BORCS5: variants seen among roughly 807,000 people sequenced by gnomAD.
BORCS5 encodes the protein BLOC-1 related complex subunit 5, also known as BLOC-1-related complex subunit 5.
Under a neutral mutation model 22.1 loss-of-function variants are expected in BORCS5, and 17 were observed. The ratio of observed to expected loss-of-function variants is 0.77; its 90% CI spans 0.53 to 1.15. The LOEUF is 1.15. Ranked by LOEUF, BORCS5 falls within the 50% of genes most tolerant of loss-of-function variation. The pLI, the probability that BORCS5 is intolerant of heterozygous loss-of-function variation, is 0.00. For synonymous variants in BORCS5, 117 were observed against 99.8 expected (o/e 1.17, Z -1.03); for missense variants, 247 against 253.2 (o/e 0.98, Z 0.17).
At chr12:12,423,852 C>G (rs1043022514) in intron 2 of BORCS5, among the ~76,000 whole-genome samples, 7 of 152,068 alleles carry the variant, frequency 4.6e-5, no homozygotes, top group African/African-American at 1.7e-4. Flanking sequence ...CCACGCCTGG[C>G]TAATTTTTAT....
chr12:12,407,414 A>G (rs969679246), intron 2 of BORCS5, among the ~76,000 whole-genome samples: 5 of 148,936 alleles, frequency 3.4e-5, no homozygotes, highest in Non-Finnish European at 7.4e-5. Flanking sequence ...CCTTCTTATT[A>G]GAGGGGTATT....
chr12:12,464,628 G>C (rs1025100853), intron 3 of BORCS5, among the ~76,000 whole-genome samples: 1 of 152,112 alleles, frequency 6.6e-6, no homozygotes, highest in Non-Finnish European at 1.5e-5. Flanking sequence ...GTGGAAGTGG[G>C]GTCCATGCTG....
intron 3 of BORCS5, among the ~76,000 whole-genome samples, chr12:12,459,413 T>C (rs1943061413): frequency 6.7e-6 from 1 of 150,040 alleles, no homozygotes; most frequent in South Asian, 2.1e-4. Context: ...CAGGTTCAAG[T>C]GATTCTCCTG....
intron 3 of BORCS5, among the ~76,000 whole-genome samples, chr12:12,456,286 C>G (rs754145677): frequency 5.3e-4 from 80 of 152,216 alleles, no homozygotes; most frequent in Admixed American, 3.4e-3. Flanking sequence ...TAAAAATTAG[C>G]CAGGCATGGT....
rs114572745 is a variant in BORCS5, at chr12:12,384,562, G to T, written c.202+23213G>T. On this transcript the variant is annotated intron_variant, in intron 2 of 3. Coordinates refer to ENST00000314565, the MANE Select transcript of BORCS5 (RefSeq NM_058169.6). ...CATTTTAGATAATATAGCAGCTGTG[G>T]ATTCTGATCCTCCCAAATTGCTGTT... Among the ~76,000 whole-genome samples the T allele has an allele frequency of 4.4e-3, 669 of 150,454 alleles. 21 individuals carry two copies. The highest frequency in any genetic ancestry group is 0.016 in the African/African-American group (648 of 40,900).
At chr12:12,359,689 AGT>A (rs1863233351) in intron 1 of BORCS5, among the ~76,000 whole-genome samples, 2 of 139,326 alleles carry the variant, frequency 1.4e-5, no homozygotes, top group Non-Finnish European at 1.6e-5. Flanking sequence ...AAAAAAAAAG[AGT>A]GAGGAGGCTG....
rs58029880 is a variant in BORCS5, at chr12:12,377,304, G to A, written c.202+15955G>A. Among the ~76,000 whole-genome samples, 1,386 of 151,560 alleles carry A rather than the reference G, an allele frequency of 9.1e-3. 25 individuals carry two copies. The highest frequency in any genetic ancestry group is 0.032 in the African/African-American group (1,328 of 41,336). ...AGCAATTCTTCTGCCTCGGCCTCCC[G>A]AGTAGTTGGGACTACAGGCGCGCAC... On this transcript the variant is annotated intron_variant, in intron 2 of 3. Coordinates refer to ENST00000314565, the MANE Select transcript of BORCS5 (RefSeq NM_058169.6).
intron 2 of BORCS5, among the ~76,000 whole-genome samples, chr12:12,423,184 A>C (rs575280422): frequency 1.3e-5 from 2 of 151,686 alleles, no homozygotes; most frequent in African/African-American, 4.8e-5. Context: ...TTGTATTTTT[A>C]GTAGAGACGG....
chr12:12,449,919 C>CAGGTTCCT (rs1942876501), intron 3 of BORCS5, among the ~76,000 whole-genome samples: 1 of 152,214 alleles, frequency 6.6e-6, no homozygotes, highest in South Asian at 2.1e-4. Flanking sequence ...GCTCACCGAG[C>CAGGTTCCT]AGGTTCCTAT....
At chr12:12,371,285 T>C (rs2136029153) in intron 2 of BORCS5, among the ~76,000 whole-genome samples, 1 of 152,220 alleles carries the variant, frequency 6.6e-6, no homozygotes, top group Admixed American at 6.5e-5. Flanking sequence ...ACACCTATGT[T>C]TATTTTTTAT....
intron 2 of BORCS5, among the ~76,000 whole-genome samples, chr12:12,427,172 CTTTTTTTTT>C (rs869191667): frequency 4.7e-5 from 4 of 84,486 alleles, no homozygotes; most frequent in African/African-American, 1.6e-4. Flanking sequence ...TCTTTCTTTT[CTTTTTTTTT>C]TTTTTTTTTT....
chr12:12,454,990 A>G (rs1942972948), intron 3 of BORCS5, among the ~76,000 whole-genome samples: 2 of 152,200 alleles, frequency 1.3e-5, no homozygotes, highest in South Asian at 4.1e-4. Flanking sequence ...CAGGGATTTG[A>G]AGGGTGAGCT....
intron 2 of BORCS5, among the ~76,000 whole-genome samples, chr12:12,409,729 C>T (rs1247750283): frequency 6.6e-6 from 1 of 152,012 alleles, no homozygotes; most frequent in Non-Finnish European, 1.5e-5. Context: ...ATTTATAATC[C>T]TTTGGGTATA....
intron 2 of BORCS5, among the ~76,000 whole-genome samples, chr12:12,434,501 T>C (rs892378401): frequency 6.6e-6 from 1 of 152,196 alleles, no homozygotes; most frequent in Non-Finnish European, 1.5e-5. Context: ...CAAAACATGC[T>C]CATTCTCTTA....
At position 12,358,114 on chromosome 12, in the gene BORCS5, G is replaced by A. The variant is rs73061450; in HGVS notation, c.58+605G>A. On this transcript the variant is annotated intron_variant, in intron 1 of 3. Transcript: ENST00000314565. The stretch of plus-strand genomic sequence containing the variant: ...TAAGCGTTTGAGACAAGAATGGGAG[G>A]ATTATTGTGTTTGCAATACAGTGAG... 3.9e-3 allele frequency among the ~76,000 whole-genome samples: 601 copies of A among 152,328 alleles called. 1 individual carries two copies. The highest frequency in any genetic ancestry group is 6.9e-3 in the Non-Finnish European group (469 of 68,018).
At chr12:12,371,677 G>A (rs764260782) in intron 2 of BORCS5, among the ~76,000 whole-genome samples, 6 of 151,568 alleles carry the variant, frequency 4.0e-5, no homozygotes, top group East Asian at 1.9e-4. Context: ...ACTTTTAATC[G>A]AAAACTTTGG....
intron 2 of BORCS5, among the ~76,000 whole-genome samples, chr12:12,387,635 A>G (rs1386641625): frequency 6.6e-6 from 1 of 151,412 alleles, no homozygotes; most frequent in East Asian, 1.9e-4. Flanking sequence ...TTTCTGCATG[A>G]TATATTCCTT....
At chr12:12,397,018 C>T (rs1412284032) in intron 2 of BORCS5, among the ~76,000 whole-genome samples, 1 of 152,172 alleles carries the variant, frequency 6.6e-6, no homozygotes, top group East Asian at 1.9e-4. Context: ...CATGTGCACC[C>T]TCACACAGAC....
intron 2 of BORCS5, among the ~76,000 whole-genome samples, chr12:12,417,393 C>G (rs984735842): frequency 3.9e-5 from 6 of 152,132 alleles, no homozygotes; most frequent in Admixed American, 3.3e-4. Context: ...ATGGCCTATC[C>G]TGAAAAATGT....
Sources: gnomAD v4.1 joint callset for allele counts (sites outside exome capture counted in the v4.1 genomes callset) on GRCh38, gnomAD v4.1.1 for gene constraint, MANE v1.5 for transcripts, NCBI Gene and HGNC (gene_info 2026-07-23, HGNC 2026-07-21) for gene names.